NEGR1: variants seen among roughly 807,000 people sequenced by gnomAD.
NEGR1 encodes the protein IgLON family member 4.
A neutral mutation model predicts 40.9 loss-of-function variants in NEGR1; 10 were observed. The ratio of observed to expected loss-of-function variants is 0.24; its 90% CI spans 0.15 to 0.42. NEGR1 has a LOEUF of 0.42. NEGR1 is among the 10% of genes least tolerant of loss of function. The probability of loss-of-function intolerance (pLI) is 1.00; values close to 1 mark genes in which losing one functional copy is unlikely to be tolerated. For missense variants in NEGR1, 352 were observed against 438.9 expected (o/e 0.80, Z 1.77); for synonymous variants, 185 against 166.8 (o/e 1.11, Z -0.84).
intron 1 of NEGR1, among the ~76,000 whole-genome samples, chr1:72,131,897 G>A (rs1650267734): frequency 6.6e-6 from 1 of 152,136 alleles, no homozygotes; most frequent in Non-Finnish European, 1.5e-5. Flanking sequence ...ATGAGTTTGA[G>A]ACCAGCCTGG....
At chr1:72,276,409 C>T (rs148782337) in intron 1 of NEGR1, among the ~76,000 whole-genome samples, 65 of 152,194 alleles carry the variant, frequency 4.3e-4, no homozygotes, top group African/African-American at 1.4e-3. Flanking sequence ...CACACATCTA[C>T]AAGCAGGGTT....
intron 1 of NEGR1, among the ~76,000 whole-genome samples, chr1:72,228,730 T>C (rs576580218): frequency 6.6e-6 from 1 of 152,226 alleles, no homozygotes; most frequent in Admixed American, 6.6e-5. Context: ...TTTTGAATGG[T>C]AATGTGCTCA....
Position 72,282,350 on chromosome 1 carries a change from T to C in NEGR1, c.145A>G (p.Met49Val). ...DFPWAAVDNM[M>V]VRKGDTAVLR... The stretch of plus-strand genomic sequence containing the variant: ...ACCGCCGTGTCCCCTTTTCTGACCA[T>C]CATGTTGTCCACGGCCGCCCAGGGG... The change falls in exon 1 of 7, where the codon ATG becomes GTG. Residue 49 changes from methionine to valine, a missense_variant. By Grantham distance (21) the Met-to-Val change is conservative. This residue lies in a region of NEGR1 where 81 missense variants were observed against 85.8 expected (regional missense o/e 0.94). Coordinates refer to ENST00000357731, the MANE Select transcript of NEGR1 (RefSeq NM_173808.3). 1 of 1,614,044 alleles carries C rather than the reference T, an allele frequency of 6.2e-7. No individual in the cohort carries two copies. Among genetic ancestry groups the C allele is most frequent in the Non-Finnish European group, 8.5e-7 (1 of 1,180,006 alleles).
At chr1:71,475,025 A>G (rs1569918647) in intron 6 of NEGR1, among the ~76,000 whole-genome samples, 1 of 152,114 alleles carries the variant, frequency 6.6e-6, no homozygotes, top group Non-Finnish European at 1.5e-5. Context: ...CTTAAAATAC[A>G]TATTCTTTAT....
chr1:71,466,686 G>C (rs1358969569), intron 6 of NEGR1, among the ~76,000 whole-genome samples: 3 of 152,086 alleles, frequency 2.0e-5, no homozygotes, highest in Non-Finnish European at 4.4e-5. Flanking sequence ...GCACTGAGGT[G>C]GAGCATGTTT....
intron 1 of NEGR1, among the ~76,000 whole-genome samples, chr1:71,962,542 T>C (rs542278756): frequency 6.6e-6 from 1 of 152,194 alleles, no homozygotes; most frequent in African/African-American, 2.4e-5. Context: ...ATAATGATAT[T>C]ACATTATAAT....
intron 4 of NEGR1, among the ~76,000 whole-genome samples, chr1:71,630,592 C>T (rs763888301): frequency 2.6e-5 from 4 of 151,740 alleles, no homozygotes; most frequent in Non-Finnish European, 5.9e-5. Context: ...CTGAAGTAAT[C>T]CAACAAGGTA....
chr1:72,077,186 G>A (rs1005735055), intron 1 of NEGR1, among the ~76,000 whole-genome samples: 2 of 151,990 alleles, frequency 1.3e-5, no homozygotes, highest in African/African-American at 2.4e-5. Context: ...GAGCCACCGT[G>A]CCCGGCCCTC....
chr1:71,915,500 A>G (rs542415195), intron 2 of NEGR1, among the ~76,000 whole-genome samples: 1 of 152,214 alleles, frequency 6.6e-6, no homozygotes, highest in South Asian at 2.1e-4. Flanking sequence ...TATATATAAT[A>G]ATAATAGTGT....
intron 1 of NEGR1, among the ~76,000 whole-genome samples, chr1:72,275,544 C>A (rs542371868): frequency 6.6e-6 from 1 of 152,198 alleles, no homozygotes; most frequent in East Asian, 1.9e-4. Flanking sequence ...TTTAATCTAT[C>A]AGCAAGCTTC....
At chr1:71,924,629 T>G (rs982498346) in intron 2 of NEGR1, among the ~76,000 whole-genome samples, 2 of 152,208 alleles carry the variant, frequency 1.3e-5, no homozygotes, top group African/African-American at 4.8e-5. Context: ...AATGTTAAAC[T>G]CTTGTTTGGG....
In NEGR1 at chr1:72,154,083, G is replaced by A. The variant is rs548628444; in HGVS notation, c.176+128236C>T. Reference sequence around the variant, plus strand: ...TGAGTATCTCATTGCAGATGCGTGGGGAGATGTAACCTGGATAGATTTGGG... The same window carrying A: ...TGAGTATCTCATTGCAGATGCGTGGAGAGATGTAACCTGGATAGATTTGGG... On this transcript the variant is annotated intron_variant, in intron 1 of 6. Coordinates refer to ENST00000357731, the MANE Select transcript of NEGR1 (RefSeq NM_173808.3). 3.3e-5 allele frequency among the ~76,000 whole-genome samples: 5 copies of A among 151,828 alleles called. No homozygotes were observed. In the South Asian group the frequency reaches 6.3e-4, roughly 19 times the overall value.
At chr1:71,631,833 T>A (rs1313454169) in intron 4 of NEGR1, among the ~76,000 whole-genome samples, 1 of 151,748 alleles carries the variant, frequency 6.6e-6, no homozygotes, top group Non-Finnish European at 1.5e-5. Context: ...ATACAAGAAT[T>A]AACAAGAAAG....
chr1:72,078,489 G>A (rs925501931), intron 1 of NEGR1, among the ~76,000 whole-genome samples: 1 of 151,774 alleles, frequency 6.6e-6, no homozygotes, highest in African/African-American at 2.4e-5. Context: ...ATCTATTTTT[G>A]CTGTTAGATA....
At chr1:71,473,334 A>G (rs1184257784) in intron 6 of NEGR1, among the ~76,000 whole-genome samples, 1 of 152,164 alleles carries the variant, frequency 6.6e-6, no homozygotes, top group Non-Finnish European at 1.5e-5. Flanking sequence ...AACAACAATT[A>G]GAATGACAGC....
intron 1 of NEGR1, among the ~76,000 whole-genome samples, chr1:72,134,483 C>T (rs1454087476): frequency 1.3e-5 from 2 of 151,834 alleles, no homozygotes; most frequent in African/African-American, 2.4e-5. Context: ...GGATTACAAG[C>T]GTGAGCCACC....
chr1:71,522,370 T>C (rs891392644), intron 6 of NEGR1, among the ~76,000 whole-genome samples: 23 of 151,956 alleles, frequency 1.5e-4, no homozygotes, highest in African/African-American at 5.6e-4. Flanking sequence ...ACAGTTCCAA[T>C]TTGTCCTCAC....
At chr1:72,038,464 G>T (rs1261438093) in intron 1 of NEGR1, among the ~76,000 whole-genome samples, 1 of 151,934 alleles carries the variant, frequency 6.6e-6, no homozygotes, top group Non-Finnish European at 1.5e-5. Flanking sequence ...CAGTAAGAAA[G>T]GTTACTTAGC....
chr1:71,613,378 G>T (rs1650329719), intron 4 of NEGR1, among the ~76,000 whole-genome samples: 1 of 152,066 alleles, frequency 6.6e-6, no homozygotes, highest in South Asian at 2.1e-4. Flanking sequence ...TGTGTGCAGT[G>T]GCTCACACCT....
Sources: allele counts gnomAD v4.1 joint callset (sites outside exome capture counted in the v4.1 genomes callset), GRCh38; gene constraint gnomAD v4.1.1; regional missense constraint gnomAD v4.1.1; transcripts MANE v1.5; gene names NCBI Gene and HGNC (gene_info 2026-07-23, HGNC 2026-07-21).